Variants in SMAP1 observed in about 807,000 individuals in gnomAD.
SMAP1 encodes the protein small ArfGAP 1.
In SMAP1, 24 loss-of-function variants were observed where a neutral mutation model predicts 58.5. That is an observed-to-expected ratio of 0.41 (90% CI 0.30 to 0.58). The LOEUF (loss-of-function observed/expected upper bound fraction) is 0.58. Among genes scored for constraint, SMAP1 ranks in the 20% least tolerant of loss-of-function variants. SMAP1 has a pLI of 0.29. For missense variants in SMAP1, 563 were observed against 566.3 expected (o/e 0.99, Z 0.06); for synonymous variants, 216 against 196.6 (o/e 1.10, Z -0.82).
chr6:70,797,583 G>A (rs1562168630), intron 5 of SMAP1, among the ~76,000 whole-genome samples: 1 of 152,008 alleles, frequency 6.6e-6, no homozygotes, highest in African/African-American at 2.4e-5. Flanking sequence ...TTATATGAAT[G>A]GTTGCAAAGC....
At chr6:70,742,891 A>G (rs1471176334) in intron 2 of SMAP1, among the ~76,000 whole-genome samples, 1 of 152,220 alleles carries the variant, frequency 6.6e-6, no homozygotes, top group Non-Finnish European at 1.5e-5. Flanking sequence ...TCCTCTTATA[A>G]AACCATCAGG....
chr6:70,740,536 C>G (rs1225778849), intron 2 of SMAP1, among the ~76,000 whole-genome samples: 1 of 149,950 alleles, frequency 6.7e-6, no homozygotes, highest in Non-Finnish European at 1.5e-5. Context: ...CCTTTTTGCA[C>G]TTTTATCTGG....
chr6:70,805,328 C>T (rs771436885), intron 6 of SMAP1, among the ~76,000 whole-genome samples: 12 of 152,148 alleles, frequency 7.9e-5, no homozygotes, highest in African/African-American at 2.9e-4. Flanking sequence ...ACAAAGTTCT[C>T]GTGCCATGGC....
intron 1 of SMAP1, among the ~76,000 whole-genome samples, chr6:70,709,840 T>C (rs1767979844): frequency 6.6e-6 from 1 of 152,212 alleles, no homozygotes; most frequent in South Asian, 2.1e-4. Flanking sequence ...GAACACAAGG[T>C]ATCTTTCCAT....
At chr6:70,846,600 G>A (rs1033992718) in intron 7 of SMAP1, among the ~76,000 whole-genome samples, 2 of 152,246 alleles carry the variant, frequency 1.3e-5, no homozygotes, top group African/African-American at 4.8e-5. Context: ...CTGACCCGCT[G>A]TGGGTGGTAT....
At chr6:70,757,876 G>A (rs1766568617) in intron 3 of SMAP1, among the ~76,000 whole-genome samples, 1 of 151,610 alleles carries the variant, frequency 6.6e-6, no homozygotes, top group Admixed American at 6.6e-5. Flanking sequence ...AACAACAGGT[G>A]CTGGAGAGGA....
At chr6:70,703,429 G>T (rs1011522804) in intron 1 of SMAP1, among the ~76,000 whole-genome samples, 2 of 151,988 alleles carry the variant, frequency 1.3e-5, no homozygotes, top group Non-Finnish European at 2.9e-5. Context: ...TGATATTTTT[G>T]TATTTTTATA....
chr6:70,827,537 C>A (rs910736630), intron 6 of SMAP1, among the ~76,000 whole-genome samples: 1 of 152,156 alleles, frequency 6.6e-6, no homozygotes, highest in African/African-American at 2.4e-5. Context: ...GTAGATGTTA[C>A]AAATTGTCTG....
rs142878198 is a variant in SMAP1, at chr6:70,720,287, A to T, written c.119-12091A>T. On this transcript the variant is annotated intron_variant, in intron 1 of 10. Coordinates refer to ENST00000370455, the MANE Select transcript of SMAP1 (RefSeq NM_001044305.3). ...TGATCTCCATGAGTGCAGGTCTTGC[A>T]TCGAGGTTATGCTGATTCAAGAGGT... Among the ~76,000 whole-genome samples the T allele has an allele frequency of 1.9e-3, 286 of 152,316 alleles. 1 individual carries two copies. Among genetic ancestry groups the T allele is most frequent in the African/African-American group, 6.6e-3 (273 of 41,586 alleles).
chr6:70,756,840 T>C (rs963235664), intron 3 of SMAP1, among the ~76,000 whole-genome samples: 50 of 152,144 alleles, frequency 3.3e-4, no homozygotes, highest in African/African-American at 1.1e-3. Flanking sequence ...CAAGGAGAAC[T>C]ACAAACCACT....
chr6:70,718,707 G>C (rs1054812890), intron 1 of SMAP1, among the ~76,000 whole-genome samples: 2 of 151,192 alleles, frequency 1.3e-5, no homozygotes, highest in African/African-American at 4.9e-5. Flanking sequence ...TGTAATCCCA[G>C]CTACTTGGGA....
intron 5 of SMAP1, among the ~76,000 whole-genome samples, chr6:70,793,254 C>T (rs935488504): frequency 5.3e-5 from 8 of 151,994 alleles, no homozygotes; most frequent in Admixed American, 2.6e-4. Flanking sequence ...AGGATGGTCT[C>T]GATCTCTTGG....
Position 70,748,861 on chromosome 6 carries a change from T to C in SMAP1, c.253-6119T>C, listed in dbSNP as rs906073495. 2.0e-5 allele frequency among the ~76,000 whole-genome samples: 3 copies of C among 152,102 alleles called. No homozygotes were observed. In the East Asian group the frequency reaches 5.8e-4, roughly 29 times the overall value. On this transcript the variant is annotated intron_variant, in intron 2 of 10. Coordinates refer to ENST00000370455, the MANE Select transcript of SMAP1 (RefSeq NM_001044305.3). ...ATATTTATCAGTTTTTTGTATATTT[T>C]TCCTCACATATTTTATGCATATATA...
At chr6:70,801,647 G>C (rs1267025441) in intron 6 of SMAP1, among the ~76,000 whole-genome samples, 1 of 152,074 alleles carries the variant, frequency 6.6e-6, no homozygotes, top group Non-Finnish European at 1.5e-5. Flanking sequence ...TATGGTTTTA[G>C]GTCTTACATT....
intron 1 of SMAP1, among the ~76,000 whole-genome samples, chr6:70,672,683 A>G (rs1766317143): frequency 6.6e-6 from 1 of 152,088 alleles, no homozygotes; most frequent in Non-Finnish European, 1.5e-5. Context: ...GAATGAATGA[A>G]TGTGTGAATG....
At chr6:70,833,872 T>C (rs1050275961) in intron 6 of SMAP1, among the ~76,000 whole-genome samples, 1 of 152,228 alleles carries the variant, frequency 6.6e-6, no homozygotes, top group Non-Finnish European at 1.5e-5. Context: ...GATAAACTGT[T>C]TAGGATTTCT....
chr6:70,841,939 A>G (rs941748329), intron 7 of SMAP1, among the ~76,000 whole-genome samples: 2 of 152,354 alleles, frequency 1.3e-5, no homozygotes, highest in East Asian at 3.9e-4. Context: ...GCCATTTCTC[A>G]AAGTCCATGT....
intron 2 of SMAP1, among the ~76,000 whole-genome samples, chr6:70,744,255 C>A (rs139654326): frequency 2.4e-4 from 36 of 151,408 alleles, no homozygotes; most frequent in Non-Finnish European, 4.1e-4. Context: ...ACATGTGCCA[C>A]GTTGGTTTGC....
intron 1 of SMAP1, among the ~76,000 whole-genome samples, chr6:70,696,657 C>G (rs1322735841): frequency 1.3e-5 from 2 of 151,944 alleles, no homozygotes; most frequent in Non-Finnish European, 2.9e-5. Flanking sequence ...GTTTTGTGGC[C>G]CAGCATATAG....
Sources: gnomAD v4.1 joint callset for allele counts (sites outside exome capture counted in the v4.1 genomes callset) on GRCh38, gnomAD v4.1.1 for gene constraint, MANE v1.5 for transcripts, NCBI Gene and HGNC (gene_info 2026-07-23, HGNC 2026-07-21) for gene names.